Variants in PRELID2 observed in about 807,000 individuals in gnomAD.
The protein encoded by PRELID2 is PRELI domain-containing protein 2.
Under a neutral mutation model 28.4 loss-of-function variants are expected in PRELID2, and 25 were observed. That is an observed-to-expected ratio of 0.88 (90% confidence interval 0.64 to 1.23). The LOEUF is 1.23. Among genes scored for constraint, PRELID2 ranks in the 50% most tolerant of loss-of-function variants. PRELID2 has a pLI of 0.00. For missense variants in PRELID2, 201 were observed against 214.4 expected, an observed-to-expected ratio of 0.94 and a Z score of 0.39; for synonymous variants, 76 against 71.6, an observed-to-expected ratio of 1.06 and a Z score of -0.31.
intron 1 of PRELID2, among the ~76,000 whole-genome samples, chr5:145,543,663 G>A (rs527961745): frequency 1.1e-4 from 16 of 152,122 alleles, no homozygotes; most frequent in South Asian, 4.1e-4. Flanking sequence ...GGCTTCATGT[G>A]GCATTTGTGG....
rs1375838108 is a variant in PRELID2 at position 145,823,245 on chromosome 5, T to TA, written c.76-112dup. 6.9e-6 allele frequency: 4 copies of TA among 583,180 alleles called. No individual in the cohort carries two copies. In the African/African-American group the frequency reaches 7.5e-5, roughly 11 times the overall value. The allele number at this position is 583,180 out of a possible 1,614,324, so 36.1% of individuals were successfully genotyped here. ...TAGTAAATATTTTCCAAGAAACTTC[T>TA]AAACAAAGCCCAGTTTTGAATCATG... is the stretch of plus-strand genomic sequence containing the variant. On this transcript the variant is annotated intron_variant, in intron 1 of 6. Transcript: ENST00000683046.
At chr5:145,410,470 T>TA in the PRELID2 span, among the ~76,000 whole-genome samples, 3 of 152,108 alleles carry the variant, frequency 2.0e-5, no homozygotes, top group Admixed American at 1.3e-4. Context: ...ATAATTTATT[T>TA]AAAAAAACGT....
At chr5:145,747,548 A>G (rs1221133410) in intron 1 of PRELID2, among the ~76,000 whole-genome samples, 2 of 152,256 alleles carry the variant, frequency 1.3e-5, no homozygotes, top group East Asian at 3.9e-4. Context: ...CCTACTAACC[A>G]AAAAAAGCCC....
chr5:145,396,555 A>G, the PRELID2 span, among the ~76,000 whole-genome samples: 1 of 151,758 alleles, frequency 6.6e-6, no homozygotes, highest in Non-Finnish European at 1.5e-5. Context: ...TAAAATATTT[A>G]CTCTCTGGTT....
chr5:145,388,435 C>T, the PRELID2 span, among the ~76,000 whole-genome samples: 6 of 152,098 alleles, frequency 3.9e-5, no homozygotes, highest in African/African-American at 1.4e-4. Context: ...TCCATTAATG[C>T]TTTTCTTTTT....
At chr5:145,473,373 T>C (rs952721502) in intron 1 of PRELID2, 1 of 152,160 alleles carries the variant, frequency 6.6e-6, no homozygotes, top group African/African-American at 2.4e-5. Context: ...CTAATACATA[T>C]AAAATAGCTA....
the PRELID2 span, among the ~76,000 whole-genome samples, chr5:145,376,537 T>G: frequency 6.6e-6 from 1 of 152,294 alleles, no homozygotes; most frequent in Non-Finnish European, 1.5e-5. Context: ...TGGGCTTTTT[T>G]TAGTTTGTAG....
chr5:145,361,238 G>T, the PRELID2 span, among the ~76,000 whole-genome samples: 1 of 152,154 alleles, frequency 6.6e-6, no homozygotes, highest in South Asian at 2.1e-4. Flanking sequence ...TTTCTGAGAA[G>T]GAGGCATTAT....
the PRELID2 span, among the ~76,000 whole-genome samples, chr5:145,349,952 G>C: frequency 6.6e-6 from 1 of 152,142 alleles, no homozygotes; most frequent in African/African-American, 2.4e-5. Context: ...ATGTGCCAAA[G>C]AGGGCTCCCA....
At chr5:145,238,288 C>T in the PRELID2 span, among the ~76,000 whole-genome samples, 1 of 152,146 alleles carries the variant, frequency 6.6e-6, no homozygotes, top group Non-Finnish European at 1.5e-5. Context: ...ATCCCCATTT[C>T]ACAGATGACA....
the PRELID2 span, among the ~76,000 whole-genome samples, chr5:145,312,166 T>C: frequency 6.6e-6 from 1 of 150,524 alleles, no homozygotes; most frequent in Non-Finnish European, 1.5e-5. Flanking sequence ...GACAACATGA[T>C]GAGACTCTGT....
intron 1 of PRELID2, among the ~76,000 whole-genome samples, chr5:145,532,680 T>G (rs1022894190): frequency 7.2e-5 from 11 of 152,126 alleles, no homozygotes; most frequent in African/African-American, 2.4e-4. Flanking sequence ...AGTTTGAATT[T>G]TTTTAGATTC....
the PRELID2 span, among the ~76,000 whole-genome samples, chr5:145,434,428 T>C: frequency 6.6e-6 from 1 of 152,212 alleles, no homozygotes; most frequent in Non-Finnish European, 1.5e-5. Flanking sequence ...CATTTGTTTC[T>C]GATGTCCTCC....
At chr5:145,588,727 C>T (rs776969292) in intron 1 of PRELID2, among the ~76,000 whole-genome samples, 7 of 152,014 alleles carry the variant, frequency 4.6e-5, no homozygotes, top group South Asian at 2.1e-4. Flanking sequence ...CAATCTGAGA[C>T]GCCTGGATTC....
At chr5:145,253,986 G>C in the PRELID2 span, among the ~76,000 whole-genome samples, 1 of 151,998 alleles carries the variant, frequency 6.6e-6, no homozygotes, top group Admixed American at 6.6e-5. Flanking sequence ...TATCTCATAT[G>C]ATTATTGTAA....
the PRELID2 span, among the ~76,000 whole-genome samples, chr5:145,402,900 C>A: frequency 1.3e-5 from 2 of 152,088 alleles, no homozygotes; most frequent in African/African-American, 4.8e-5. Context: ...TTCAAAATGA[C>A]CTTGCTGAGC....
At chr5:145,589,465 C>T (rs1222006257) in intron 1 of PRELID2, among the ~76,000 whole-genome samples, 4 of 151,370 alleles carry the variant, frequency 2.6e-5, no homozygotes, top group Non-Finnish European at 5.9e-5. Flanking sequence ...AATTGAATAT[C>T]ATCATTTTTT....
chr5:145,554,397 C>T (rs1338041446), intron 1 of PRELID2, among the ~76,000 whole-genome samples: 1 of 152,136 alleles, frequency 6.6e-6, no homozygotes, highest in Non-Finnish European at 1.5e-5. Flanking sequence ...ACTTAAGATG[C>T]ATAATGACAG....
the PRELID2 span, among the ~76,000 whole-genome samples, chr5:145,424,020 TG>T: frequency 2.0e-5 from 3 of 151,138 alleles, no homozygotes; most frequent in African/African-American, 7.3e-5. Flanking sequence ...GTGACCCTGC[TG>T]GGGGGTGCCT....
Sources: allele counts gnomAD v4.1 joint callset (sites outside exome capture counted in the v4.1 genomes callset), GRCh38; gene constraint gnomAD v4.1.1; transcripts MANE v1.5; gene names NCBI Gene and HGNC (gene_info 2026-07-23, HGNC 2026-07-21).